The following KCNT2 variants were observed in gnomAD, a reference collection of about 807,000 sequenced individuals.
KCNT2 encodes potassium channel subfamily T member 2.
A neutral mutation model predicts 153.8 loss-of-function variants in KCNT2; 67 were observed. The observed-to-expected ratio is 0.44, with a 90% CI of 0.36 to 0.53. The LOEUF (loss-of-function observed/expected upper bound fraction) is 0.53. KCNT2 is among the 20% of genes least tolerant of loss of function. KCNT2 has a pLI of 0.00. For missense variants in KCNT2, 975 were observed against 1,354.8 expected (o/e 0.72, Z 4.40); for synonymous variants, 500 against 458.8 (o/e 1.09, Z -1.15).
intron 14 of KCNT2, among the ~76,000 whole-genome samples, chr1:196,350,919 T>C (rs1325023600): frequency 1.3e-5 from 2 of 152,164 alleles, no homozygotes; most frequent in Non-Finnish European, 2.9e-5. Context: ...GCTTTCTACA[T>C]ATGGCTAGCC....
Position 196,569,343 on chromosome 1 carries a change from A to G in KCNT2, c.95+38872T>C, listed in dbSNP as rs75212228. Among the ~76,000 whole-genome samples, 160 of 152,320 alleles carry G rather than the reference A, an allele frequency of 1.1e-3. 4 individuals carry two copies. In the East Asian group the frequency reaches 0.029, roughly 28 times the overall value. ...AAAAAACACATTGTCTTTTTAAAAT[A>G]TGCCTTAATATTTGGCAGTGTCTGT... On this transcript the variant is annotated intron_variant, in intron 1 of 27. Transcript: ENST00000294725.
intron 14 of KCNT2, among the ~76,000 whole-genome samples, chr1:196,368,064 T>C (rs1051932407): frequency 6.6e-6 from 1 of 152,206 alleles, no homozygotes; most frequent in African/African-American, 2.4e-5. Flanking sequence ...GATAGCCTGC[T>C]CTGGATGCTG....
At chr1:196,584,929 A>G (rs1162855823) in intron 1 of KCNT2, among the ~76,000 whole-genome samples, 1 of 151,920 alleles carries the variant, frequency 6.6e-6, no homozygotes, top group East Asian at 1.9e-4. Flanking sequence ...GCAAAGATGA[A>G]CTCCGAATGG....
chr1:196,444,189 T>C (rs1235525039), intron 8 of KCNT2, among the ~76,000 whole-genome samples: 1 of 151,292 alleles, frequency 6.6e-6, no homozygotes, highest in Non-Finnish European at 1.5e-5. Context: ...TGCATGTTCA[T>C]AGCCTCCATG....
intron 1 of KCNT2, among the ~76,000 whole-genome samples, chr1:196,493,824 T>C (rs557174545): frequency 1.8e-4 from 28 of 152,332 alleles, no homozygotes; most frequent in African/African-American, 6.3e-4. Context: ...CTCTAAAGAA[T>C]ATATTTCTAT....
chr1:196,403,469 G>C (rs944337674), intron 12 of KCNT2, among the ~76,000 whole-genome samples: 19 of 151,606 alleles, frequency 1.3e-4, no homozygotes, highest in African/African-American at 4.6e-4. Flanking sequence ...TTATGATATT[G>C]TAATGGTGAA....
chr1:196,446,131 T>C (rs1203199184), intron 8 of KCNT2, among the ~76,000 whole-genome samples: 9 of 151,362 alleles, frequency 5.9e-5, no homozygotes, highest in Non-Finnish European at 1.3e-4. Context: ...GAGATTAAGG[T>C]AGGCAATAAT....
At chr1:196,526,686 C>T (rs1260157037) in intron 1 of KCNT2, among the ~76,000 whole-genome samples, 2 of 152,096 alleles carry the variant, frequency 1.3e-5, no homozygotes, top group African/African-American at 2.4e-5. Context: ...CTCCTCACCT[C>T]GTGATCTGCC....
chr1:196,296,657 T>C (rs1225354497), intron 22 of KCNT2, among the ~76,000 whole-genome samples: 1 of 152,088 alleles, frequency 6.6e-6, no homozygotes, highest in Non-Finnish European at 1.5e-5. Flanking sequence ...ACAAGAAAGA[T>C]ACTTAAAATA....
Position 196,361,556 on chromosome 1 carries a change from G to A in KCNT2, c.1403+11584C>T, listed in dbSNP as rs151148877. Among the ~76,000 whole-genome samples, 657 of 152,158 alleles carry A rather than the reference G, an allele frequency of 4.3e-3. 2 individuals carry two copies. Among genetic ancestry groups the A allele is most frequent in the African/African-American group, 0.015 (631 of 41,528 alleles). On this transcript the variant is annotated intron_variant, in intron 14 of 27. Coordinates refer to ENST00000294725, the MANE Select transcript of KCNT2 (RefSeq NM_198503.5). Reference sequence around the variant, plus strand: ...TGACATTAGCTGTTGTCAGCAGCTAGATAATAAGTAGCTACACTGTCTACC... The same window carrying A: ...TGACATTAGCTGTTGTCAGCAGCTAAATAATAAGTAGCTACACTGTCTACC...
chr1:196,351,514 T>C (rs891818575), intron 14 of KCNT2, among the ~76,000 whole-genome samples: 44 of 152,010 alleles, frequency 2.9e-4, no homozygotes, highest in Non-Finnish European at 6.0e-4. Flanking sequence ...TTGTCTGTTA[T>C]TGGTGTATAA....
chr1:196,388,658 A>G (rs1045797579), intron 13 of KCNT2, among the ~76,000 whole-genome samples: 3 of 151,688 alleles, frequency 2.0e-5, no homozygotes, highest in African/African-American at 7.2e-5. Context: ...GATGAATTTT[A>G]AAGGTTATAT....
intron 14 of KCNT2, among the ~76,000 whole-genome samples, chr1:196,348,799 G>T (rs1666359518): frequency 6.6e-6 from 1 of 152,082 alleles, no homozygotes; most frequent in Non-Finnish European, 1.5e-5. Context: ...GCTGAGGAGG[G>T]TGGATCTCAT....
intron 26 of KCNT2, among the ~76,000 whole-genome samples, chr1:196,241,608 A>T (rs939371808): frequency 6.6e-6 from 1 of 152,116 alleles, no homozygotes; most frequent in African/African-American, 2.4e-5. Context: ...AGATAAAATT[A>T]TTAAAAACAT....
At chr1:196,313,160 G>T (rs1018120382) in intron 21 of KCNT2, among the ~76,000 whole-genome samples, 1 of 151,662 alleles carries the variant, frequency 6.6e-6, no homozygotes, top group Non-Finnish European at 1.5e-5. Flanking sequence ...GCCCTCAGGT[G>T]ACTAGGGTAA....
chr1:196,563,443 A>C (rs1457473934), intron 1 of KCNT2, among the ~76,000 whole-genome samples: 1 of 120,014 alleles, frequency 8.3e-6, no homozygotes, highest in Non-Finnish European at 1.7e-5. Flanking sequence ...AATAACAAAA[A>C]AAAAAAAGAA....
intron 1 of KCNT2, among the ~76,000 whole-genome samples, chr1:196,533,608 C>G: frequency 6.6e-6 from 1 of 152,010 alleles, no homozygotes; most frequent in East Asian, 1.9e-4. Context: ...TAGCTTTCTC[C>G]TAGGTTAGAA....
chr1:196,257,328 T>A (rs1470993975), intron 26 of KCNT2: 1 of 982,296 alleles, frequency 1.0e-6, no homozygotes. Context: ...AAGACTAAAA[T>A]TTCTTCCTAA....
chr1:196,351,414 C>T (rs1666680847), intron 14 of KCNT2, among the ~76,000 whole-genome samples: 1 of 152,042 alleles, frequency 6.6e-6, no homozygotes, highest in African/African-American at 2.4e-5. Context: ...TGAAGAGGTC[C>T]TTCACGTCCC....
Sources: allele counts gnomAD v4.1 joint callset (sites outside exome capture counted in the v4.1 genomes callset), GRCh38; gene constraint gnomAD v4.1.1; transcripts MANE v1.5; gene names NCBI Gene and HGNC (gene_info 2026-07-23, HGNC 2026-07-21).